Variants in CEP290 observed in about 807,000 individuals in gnomAD.
CEP290 encodes the protein centrosomal protein of 290 kDa.
CEP290 carries 317 observed loss-of-function variants against 344.9 expected under a neutral mutation model. The ratio of observed to expected loss-of-function variants is 0.92; its 90% CI spans 0.84 to 1.01. The LOEUF (loss-of-function observed/expected upper bound fraction) is 1.01. Among genes scored for constraint, CEP290 ranks in the 50% least tolerant of loss-of-function variants. The pLI, the probability that CEP290 is intolerant of heterozygous loss-of-function variation, is 0.00. For synonymous variants in CEP290, 932 were observed against 895.8 expected, an observed-to-expected ratio of 1.04 and a Z score of -0.72; for missense variants, 2,754 against 2,761.4, an observed-to-expected ratio of 1.00 and a Z score of 0.06.
chr12:88,141,006 T>C lies in CEP290; in HGVS notation c.130A>G (p.Lys44Glu). The change falls in exon 3 of 54, where the codon AAG becomes GAG. Residue 44 changes from lysine to glutamate, a missense_variant. Physicochemically the swap from Lys to Glu is moderately conservative, Grantham distance 56 (BLOSUM62 1). Coordinates refer to ENST00000552810, the MANE Select transcript of CEP290 (RefSeq NM_025114.4). ...AAAAGGTGTATCACATTTTCTTGCT[T>C]TTCACTTTTTAGCTCATTTACTTCC... is the stretch of plus-strand genomic sequence containing the variant. ...KVEVNELKSE[K>E]QENVIHLFRI... 6.3e-7 allele frequency: 1 copy of C among 1,590,020 alleles called. No homozygotes were observed. The highest frequency in any genetic ancestry group is 8.5e-7 in the Non-Finnish European group (1 of 1,170,670).
rs557240961 is a variant in CEP290, at chr12:88,076,649, A to G, written c.5709+573T>C. Reference sequence around the variant, plus strand: ...ATTTCAATCAGTAATTTTTATTACAAAACAGTTTACTATGAACTATAAAAT... The same window carrying G: ...ATTTCAATCAGTAATTTTTATTACAGAACAGTTTACTATGAACTATAAAAT... On this transcript the variant is annotated intron_variant, in intron 41 of 53. Coordinates refer to ENST00000552810, the MANE Select transcript of CEP290 (RefSeq NM_025114.4). Among the ~76,000 whole-genome samples, 330 of 152,164 alleles carry G rather than the reference A, an allele frequency of 2.2e-3. 4 individuals carry two copies. Among genetic ancestry groups the G allele is most frequent in the Middle Eastern group, 0.01 (3 of 294 alleles).
chr12:88,117,907 A>C (rs568051110), intron 17 of CEP290, among the ~76,000 whole-genome samples: 34 of 152,164 alleles, frequency 2.2e-4, no homozygotes, highest in African/African-American at 7.9e-4. Flanking sequence ...GTGGTGGCTC[A>C]CGCCTGTAGT....
At chr12:88,121,372 T>C (rs938993515) in intron 13 of CEP290, among the ~76,000 whole-genome samples, 2 of 152,152 alleles carry the variant, frequency 1.3e-5, no homozygotes, top group African/African-American at 4.8e-5. Flanking sequence ...CCTTCTTAGC[T>C]GAAGGGGTAT....
At chr12:88,074,580 A>T (rs1325823643) in intron 41 of CEP290, among the ~76,000 whole-genome samples, 5 of 152,200 alleles carry the variant, frequency 3.3e-5, no homozygotes, top group Non-Finnish European at 5.9e-5. Flanking sequence ...ATCTTTAGTT[A>T]TAATATTGAG....
chr12:88,100,168 A>ACT (rs1353805319), intron 26 of CEP290, among the ~76,000 whole-genome samples: 1 of 151,690 alleles, frequency 6.6e-6, no homozygotes, highest in Non-Finnish European at 1.5e-5. Flanking sequence ...TACTCGGGAG[A>ACT]CTGAAGCAGA....
At chr12:88,141,455 T>A in intron 1 of CEP290, 121 bp from the exon 2 acceptor site, 1 of 478,324 alleles carries the variant, frequency 2.1e-6, no homozygotes, top group Admixed American at 4.3e-5. Context: ...AAACAGACAA[T>A]TGGGCCACAA....
Position 88,106,793 on chromosome 12 carries a change from T to C in CEP290, c.2699A>G (p.Tyr900Cys). 6.2e-7 allele frequency: 1 copy of C among 1,609,754 alleles called. No individual in the cohort carries two copies. Among genetic ancestry groups the C allele is most frequent in the Non-Finnish European group, 8.5e-7 (1 of 1,177,538 alleles). ...QVNEKSLIRQ[Y>C]TTLVELERQL... ...TCGCTCCAATTCTACTAAGGTTGTA[T>C]ATTGCCTTATAAGTGATTTTTCATT... is the stretch of plus-strand genomic sequence containing the variant. Residue 900 changes from tyrosine to cysteine, a missense_variant, in exon 25 of 54, where the codon TAT becomes TGT. Coordinates refer to ENST00000552810, the MANE Select transcript of CEP290 (RefSeq NM_025114.4).
chr12:88,083,832 T>A lies in CEP290; in HGVS notation c.4812+15A>T, dbSNP rs1011820485. On this transcript the variant is annotated intron_variant, in intron 36 of 53. Coordinates refer to ENST00000552810, the MANE Select transcript of CEP290 (RefSeq NM_025114.4). ...AAAATCAATAAAGAATGGAACAAAG[T>A]TCTTAGAATCTTACCCAAGCCGTTT... The A allele has an allele frequency of 6.8e-7, 1 of 1,466,712 alleles. No individual in the cohort carries two copies. Among genetic ancestry groups the A allele is most frequent in the African/African-American group, 1.4e-5 (1 of 71,146 alleles). 90.9% of individuals were successfully genotyped at this position (1,466,712 alleles called of 1,614,324 possible). A position where few individuals can be genotyped will look rare whatever the true frequency, so the allele number is the denominator to read the frequency against.
rs529586766 is a variant in CEP290, at chr12:88,086,634, A to G, written c.4195-136T>C. Reference sequence around the variant, plus strand: ...AATTATTTTCCTTTTATGGAAAAAAATACAAACTCAGAGAGGTGAAGTAAC... The same window carrying G: ...AATTATTTTCCTTTTATGGAAAAAAGTACAAACTCAGAGAGGTGAAGTAAC... On this transcript the variant is annotated intron_variant, in intron 32 of 53. Coordinates refer to ENST00000552810, the MANE Select transcript of CEP290 (RefSeq NM_025114.4). 3 of 606,724 alleles carry G rather than the reference A, an allele frequency of 4.9e-6. No homozygotes were observed. The South Asian group carries it at 8.9e-5, about 18-fold the overall frequency. The allele number at this position is 606,724 out of a possible 1,614,324, so 37.6% of individuals were successfully genotyped here. A position where few individuals can be genotyped will look rare whatever the true frequency, so the allele number is the denominator to read the frequency against.
At chr12:88,053,615 C>T (rs878968763) in intron 52 of CEP290, 37 bp downstream of exon 52, 5 of 917,264 alleles carry the variant, frequency 5.5e-6, no homozygotes, top group Non-Finnish European at 8.2e-6. Context: ...AATTCAAAAA[C>T]TTGGGGGTAG....
chr12:88,102,162 G>C (rs978578456), intron 26 of CEP290, among the ~76,000 whole-genome samples: 1 of 152,156 alleles, frequency 6.6e-6, no homozygotes, highest in Admixed American at 6.5e-5. Flanking sequence ...TCAGTAAAAG[G>C]TATAGAGTTC....
chr12:88,131,966 A>T (rs1186130154), intron 6 of CEP290, among the ~76,000 whole-genome samples: 1 of 152,212 alleles, frequency 6.6e-6, no homozygotes, highest in Non-Finnish European at 1.5e-5. Context: ...ACACCGGCCT[A>T]GGTTTATGTC....
At position 88,111,758 on chromosome 12, in the gene CEP290, T is replaced by G. The variant is rs756725320; in HGVS notation, c.2153A>C (p.Glu718Ala). 2.5e-6 allele frequency: 4 copies of G among 1,605,946 alleles called. No homozygotes were observed. The highest frequency in any genetic ancestry group is 2.2e-5 in the South Asian group (2 of 89,188). The change falls in exon 21 of 54, where the codon GAG becomes GCG. Residue 718 changes from glutamate (E) to alanine (A), a missense_variant. Glu to Ala is a moderately radical substitution (Grantham distance 107). Transcript: ENST00000552810. ...LTGRNEELRQELRESRKEAIN... is the reference protein window; with the variant it reads ...LTGRNEELRQALRESRKEAIN... ...AGCCTCTTTCCGAGATTCCCTGAGCTCCTGTCTTAATTCTTCATTTCTTCC... is the reference window on the plus strand; with the variant it reads ...AGCCTCTTTCCGAGATTCCCTGAGCGCCTGTCTTAATTCTTCATTTCTTCC...
chr12:88,087,902 C>T lies in CEP290; in HGVS notation c.4072G>A (p.Glu1358Lys). Reference sequence around the variant, plus strand: ...ACTAATTCCCGATTTAGTTTAAGTTCTTGAAGACGAAGTTCTTCTATTTTC... The same window carrying T: ...ACTAATTCCCGATTTAGTTTAAGTTTTTGAAGACGAAGTTCTTCTATTTTC... ...HMKIEELRLQ[E>K]LKLNRELVKD... Residue 1358 changes from glutamate (E) to lysine (K), a missense_variant, in exon 32 of 54, where the codon GAA becomes AAA. Glu to Lys is a moderately conservative substitution (Grantham distance 56). Transcript: ENST00000552810. The T allele has an allele frequency of 8.2e-7, 1 of 1,217,322 alleles. No individual in the cohort carries two copies. The allele number at this position is 1,217,322 out of a possible 1,614,324, so 75.4% of individuals were successfully genotyped here.
At chr12:88,139,799 C>T (rs1592702747) in intron 3 of CEP290, among the ~76,000 whole-genome samples, 1 of 152,224 alleles carries the variant, frequency 6.6e-6, no homozygotes, top group African/African-American at 2.4e-5. Context: ...ACAATCTCAG[C>T]TCACTGCAAC....
chr12:88,140,978 C>G lies in CEP290; in HGVS notation c.158G>C (p.Arg53Thr). ...EKQENVIHLF[R>T]ITQSLMKMKA... ...AACCTTCATTAGTGACTGAGTAATT[C>G]TGAAAAGGTGTATCACATTTTCTTG... Residue 53 changes from arginine to threonine, a missense_variant, in exon 3 of 54, where the codon AGA becomes ACA. Physicochemically the swap from Arg to Thr is moderately conservative, Grantham distance 71 (BLOSUM62 -1). Coordinates refer to ENST00000552810, the MANE Select transcript of CEP290 (RefSeq NM_025114.4). 1 of 1,591,508 alleles carries G rather than the reference C, an allele frequency of 6.3e-7. No individual in the cohort carries two copies. Among genetic ancestry groups the G allele is most frequent in the Non-Finnish European group, 8.5e-7 (1 of 1,171,618 alleles).
At chr12:88,106,517 A>G (rs940039001) in intron 25 of CEP290, among the ~76,000 whole-genome samples, 158 bp downstream of exon 25, 5 of 152,284 alleles carry the variant, frequency 3.3e-5, no homozygotes, top group Middle Eastern at 3.4e-3. Context: ...AATGTCTGCA[A>G]TTCAAACATC....
chr12:88,062,169 T>C (rs960126231), intron 46 of CEP290, among the ~76,000 whole-genome samples: 1 of 152,216 alleles, frequency 6.6e-6, no homozygotes, highest in Non-Finnish European at 1.5e-5. Flanking sequence ...GCATTATGAT[T>C]GCTTCCATTT....
chr12:88,139,059 T>C, intron 5 of CEP290, 86 bp downstream of exon 5: 1 of 715,082 alleles, frequency 1.4e-6, no homozygotes, highest in Non-Finnish European at 2.4e-6. Context: ...TTATAATTTT[T>C]CCAGCCAACA....
Sources: allele counts gnomAD v4.1 joint callset (sites outside exome capture counted in the v4.1 genomes callset), GRCh38; gene constraint gnomAD v4.1.1; transcripts MANE v1.5; gene names NCBI Gene and HGNC (gene_info 2026-07-23, HGNC 2026-07-21).